SRGAP3: variants seen among roughly 807,000 people sequenced by gnomAD.
The protein encoded by SRGAP3 is SLIT-ROBO Rho GTPase-activating protein 3.
SRGAP3 carries 39 observed loss-of-function variants against 121.1 expected under a neutral mutation model. The ratio of observed to expected loss-of-function variants is 0.32; its 90% CI spans 0.25 to 0.42. The LOEUF is 0.42. SRGAP3 is among the 10% of genes least tolerant of loss of function. The pLI, the probability that SRGAP3 is intolerant of heterozygous loss-of-function variation, is 1.00. For synonymous variants in SRGAP3, 601 were observed against 570.0 expected (o/e 1.05, Z -0.77); for missense variants, 1,213 against 1,470.6 (o/e 0.82, Z 2.86).
At chr3:9,287,791 G>C (rs1032557475) in intron 3 of SRGAP3, among the ~76,000 whole-genome samples, 1 of 152,180 alleles carries the variant, frequency 6.6e-6, no homozygotes. Context: ...TTAGTGGTTT[G>C]TATTATTGCC....
chr3:9,321,554 G>C (rs1042927582), intron 3 of SRGAP3, among the ~76,000 whole-genome samples: 2 of 151,876 alleles, frequency 1.3e-5, no homozygotes, highest in African/African-American at 4.8e-5. Flanking sequence ...CATAGAAGTG[G>C]GAAGTGACAG....
At chr3:9,100,560 C>T (rs1168034079) in intron 3 of SRGAP3, among the ~76,000 whole-genome samples, 1 of 152,044 alleles carries the variant, frequency 6.6e-6, no homozygotes, top group Non-Finnish European at 1.5e-5. Context: ...ATAAGGACAC[C>T]GATCCCATTT....
chr3:9,287,599 T>C (rs956827210), intron 3 of SRGAP3, among the ~76,000 whole-genome samples: 7 of 152,132 alleles, frequency 4.6e-5, no homozygotes, highest in Non-Finnish European at 7.3e-5. Context: ...CAGTGGAGCC[T>C]ATAAAAGGCA....
chr3:9,229,133 G>A (rs1344722702), intron 1 of SRGAP3, among the ~76,000 whole-genome samples: 1 of 150,914 alleles, frequency 6.6e-6, no homozygotes, highest in Non-Finnish European at 1.5e-5. Context: ...TTATTATTAA[G>A]GGCATAGTAG....
chr3:9,069,687 G>A (rs1444485670), intron 4 of SRGAP3, among the ~76,000 whole-genome samples: 1 of 152,224 alleles, frequency 6.6e-6, no homozygotes, highest in Non-Finnish European at 1.5e-5. Flanking sequence ...GGTGGCTCAT[G>A]CCTGTAATCC....
At chr3:9,037,854 C>T in intron 11 of SRGAP3, 2 of 654,572 alleles carry the variant, frequency 3.1e-6, no homozygotes, top group South Asian at 3.8e-5. Context: ...CCTTCCATCG[C>T]CAGCCTGGAG....
At position 9,146,616 on chromosome 3, in the gene SRGAP3, G is replaced by A. The variant is rs73811441; in HGVS notation, c.68-21699C>T. Among the ~76,000 whole-genome samples, 348 of 152,308 alleles carry A rather than the reference G, an allele frequency of 2.3e-3. 1 individual carries two copies. The highest frequency in any genetic ancestry group is 7.8e-3 in the African/African-American group (323 of 41,558). On this transcript the variant is annotated intron_variant, in intron 1 of 21. Coordinates refer to ENST00000383836, the MANE Select transcript of SRGAP3 (RefSeq NM_014850.4). ...CTCATGGGAGATGATGAGATTTCAT[G>A]AGAAAGCTTGGCAGAGTTAAGGGAA...
chr3:9,094,299 G>A (rs1235517572), intron 3 of SRGAP3, among the ~76,000 whole-genome samples: 2 of 152,128 alleles, frequency 1.3e-5, no homozygotes, highest in Non-Finnish European at 2.9e-5. Flanking sequence ...GATACTTGTA[G>A]ATCTAGCTCC....
chr3:9,259,844 G>C (rs1483241363), intron 3 of SRGAP3, among the ~76,000 whole-genome samples: 1 of 142,244 alleles, frequency 7.0e-6, no homozygotes, highest in Non-Finnish European at 1.6e-5. Context: ...AATAGCTGGG[G>C]GCCAGGGGTG....
chr3:9,240,879 T>C (rs1953610193), intron 1 of SRGAP3, among the ~76,000 whole-genome samples: 1 of 152,004 alleles, frequency 6.6e-6, no homozygotes, highest in Non-Finnish European at 1.5e-5. Flanking sequence ...TGGGGTGGGA[T>C]TGAAGGGATC....
At chr3:9,091,291 T>C (rs555161634) in intron 3 of SRGAP3, among the ~76,000 whole-genome samples, 11 of 152,206 alleles carry the variant, frequency 7.2e-5, no homozygotes, top group Non-Finnish European at 1.2e-4. Flanking sequence ...CTTGAGTAGA[T>C]GTTCTCATGT....
intron 1 of SRGAP3, among the ~76,000 whole-genome samples, chr3:9,191,990 C>T (rs1951767025): frequency 6.6e-6 from 1 of 152,172 alleles, no homozygotes; most frequent in Non-Finnish European, 1.5e-5. Flanking sequence ...AAGATGTTGG[C>T]ACCTCATTTC....
At chr3:9,078,051 G>A (rs577566025) in intron 4 of SRGAP3, among the ~76,000 whole-genome samples, 4 of 152,322 alleles carry the variant, frequency 2.6e-5, no homozygotes, top group African/African-American at 9.6e-5. Context: ...TCTGCCATAG[G>A]AACTTGAAGC....
intron 1 of SRGAP3, among the ~76,000 whole-genome samples, chr3:9,134,441 C>A (rs1165622121): frequency 1.3e-5 from 2 of 152,062 alleles, no homozygotes; most frequent in Non-Finnish European, 2.9e-5. Flanking sequence ...ATGTTACAGC[C>A]AACAACATCT....
Position 9,124,631 on chromosome 3 carries a change from T to C in SRGAP3, c.260+94A>G, listed in dbSNP as rs1260863030. The C allele has an allele frequency of 5.2e-6, 8 of 1,539,364 alleles. No homozygotes were observed. In the East Asian group the frequency reaches 1.8e-4, roughly 35 times the overall value. ...CTGAAGGCACACCCTCTGCCTCCAA[T>C]GAAGCTGGCTGGCCTCCTTTCTGCT... On this transcript the variant is annotated intron_variant, in intron 2 of 21. Transcript: ENST00000383836.
intron 9 of SRGAP3, among the ~76,000 whole-genome samples, chr3:9,050,534 T>A (rs896258328): frequency 6.6e-6 from 1 of 152,234 alleles, no homozygotes; most frequent in Admixed American, 6.5e-5. Context: ...GATTACGATG[T>A]CCTTAAAAAG....
intron 3 of SRGAP3, among the ~76,000 whole-genome samples, chr3:9,292,062 CT>C (rs1281949604): frequency 6.6e-6 from 1 of 152,184 alleles, no homozygotes; most frequent in African/African-American, 2.4e-5. Flanking sequence ...AAGGAAATAA[CT>C]TTCTTGGTAG....
At chr3:9,270,788 G>T (rs1020148013) in intron 3 of SRGAP3, among the ~76,000 whole-genome samples, 1 of 151,962 alleles carries the variant, frequency 6.6e-6, no homozygotes, top group African/African-American at 2.4e-5. Flanking sequence ...CATTTTTACT[G>T]TTATTATTTA....
chr3:9,166,301 G>T (rs1950783082), intron 1 of SRGAP3, among the ~76,000 whole-genome samples: 1 of 152,190 alleles, frequency 6.6e-6, no homozygotes. Context: ...GAAGTGTTCT[G>T]TGAATGTTTA....
Sources: allele counts gnomAD v4.1 joint callset (sites outside exome capture counted in the v4.1 genomes callset), GRCh38; gene constraint gnomAD v4.1.1; transcripts MANE v1.5; gene names NCBI Gene and HGNC (gene_info 2026-07-23, HGNC 2026-07-21).